SHROOM4: variants seen among roughly 807,000 people sequenced by gnomAD.
SHROOM4 encodes the protein shroom family member 4, also known as protein Shroom4.
SHROOM4 carries 17 observed loss-of-function variants against 80.3 expected under a neutral mutation model. The observed-to-expected ratio is 0.21, with a 90% CI of 0.14 to 0.32. SHROOM4 has a LOEUF of 0.32. Ranked by LOEUF, SHROOM4 falls within the 10% of genes least tolerant of loss-of-function variation. The pLI, the probability that SHROOM4 is intolerant of heterozygous loss-of-function variation, is 1.00. For missense variants in SHROOM4, 993 were observed against 1,140.3 expected (o/e 0.87, Z 1.86); for synonymous variants, 400 against 437.5 (o/e 0.91, Z 1.07).
chrX:50,681,138 G>T (rs1330943068), intron 2 of SHROOM4, among the ~76,000 whole-genome samples: 2 of 110,931 alleles, frequency 1.8e-5, no homozygotes, highest in African/African-American at 6.5e-5. Context: ...TCTCTTGCTT[G>T]AATTATTCCA....
intron 3 of SHROOM4, 49 bp from the exon 4 acceptor site, chrX:50,635,717 C>T (rs1430029382): frequency 8.8e-7 from 1 of 1,136,451 alleles, no homozygotes; most frequent in Non-Finnish European, 1.2e-6. Context: ...ATGGCCAGCC[C>T]TACTATAGGA....
At position 50,594,997 on chromosome X, in the gene SHROOM4, C is replaced by T. The variant is rs188167944; in HGVS notation, c.*1698G>A. ...GGAAGCTAGTGACAAGTATTTGTAA[C>T]AGCAGCAAAAGTTCCTTGGCAAATT... On this transcript the variant is annotated 3_prime_UTR_variant, in exon 9 of 9. Coordinates refer to ENST00000376020, the MANE Select transcript of SHROOM4 (RefSeq NM_020717.5). 8.9e-6 allele frequency: 1 copy of T among 112,635 alleles called. No homozygotes were observed. Among genetic ancestry groups the T allele is most frequent in the East Asian group, 2.8e-4 (1 of 3,576 alleles). The allele number at this position is 112,635 out of a possible 1,213,427, so 9.3% of individuals were successfully genotyped here. A position where few individuals can be genotyped will look rare whatever the true frequency, so the allele number is the denominator to read the frequency against.
chrX:50,717,217 GT>G (rs1248799694), intron 1 of SHROOM4, among the ~76,000 whole-genome samples: 1 of 111,407 alleles, frequency 9.0e-6, no homozygotes, highest in Non-Finnish European at 1.9e-5. Context: ...TAAAGCCATG[GT>G]TTTTTTGTTT....
intron 6 of SHROOM4, among the ~76,000 whole-genome samples, chrX:50,605,283 T>C (rs1440049651): frequency 8.9e-6 from 1 of 112,122 alleles, no homozygotes; most frequent in African/African-American, 3.2e-5. Context: ...ATTTTCATGA[T>C]TAAATCAATC....
At chrX:50,792,483 G>A (rs1319633176) in intron 1 of SHROOM4, among the ~76,000 whole-genome samples, 1 of 109,028 alleles carries the variant, frequency 9.2e-6, no homozygotes, top group Non-Finnish European at 1.9e-5. Flanking sequence ...TCCAGTCTGG[G>A]TGACAGAGCA....
At chrX:50,651,092 A>C (rs893772957) in intron 2 of SHROOM4, among the ~76,000 whole-genome samples, 1 of 111,300 alleles carries the variant, frequency 9.0e-6, no homozygotes, top group African/African-American at 3.3e-5. Flanking sequence ...TGAAACAAAC[A>C]AACAAACCAA....
chrX:50,616,088 C>T (rs749193), intron 5 of SHROOM4, among the ~76,000 whole-genome samples: 44,573 of 110,980 alleles, frequency 0.4, 6,868 homozygotes, highest in African/African-American at 0.54. Context: ...TGTAGGTGCT[C>T]TCATAAAATG....
At chrX:50,646,527 AGTGTGTGTGTGTGTGTGTGTGTGT>A (rs782016561) in intron 2 of SHROOM4, among the ~76,000 whole-genome samples, 1 of 78,780 alleles carries the variant, frequency 1.3e-5, no homozygotes, top group Non-Finnish European at 2.5e-5. Flanking sequence ...AGGGGGGAAG[AGTGTGTGTGTGTGTGTGTGTGTGT>A]GTGTGTGTGT....
chrX:50,727,971 A>G, intron 1 of SHROOM4, among the ~76,000 whole-genome samples: 1 of 112,036 alleles, frequency 8.9e-6, no homozygotes. Flanking sequence ...AATATGGAGA[A>G]GTTTATGTCT....
rs142181093 is a variant in SHROOM4 at position 50,774,543 on chromosome X, T to G, written c.117+39359A>C. ...AGTTTCTCAAATACTTTTGCTTACTTCTCAGGATGGCCAAAAATTAAGGAT... is the reference window on the plus strand; with the variant it reads ...AGTTTCTCAAATACTTTTGCTTACTGCTCAGGATGGCCAAAAATTAAGGAT... On this transcript the variant is annotated intron_variant, in intron 1 of 8. Coordinates refer to ENST00000376020, the MANE Select transcript of SHROOM4 (RefSeq NM_020717.5). Among the ~76,000 whole-genome samples, 424 of 110,591 alleles carry G rather than the reference T, an allele frequency of 3.8e-3. 2 individuals are homozygous for G. The highest frequency in any genetic ancestry group is 0.013 in the African/African-American group (392 of 30,397).
intron 1 of SHROOM4, among the ~76,000 whole-genome samples, chrX:50,809,939 C>T (rs895681025): frequency 2.7e-5 from 3 of 111,329 alleles, no homozygotes; most frequent in East Asian, 2.8e-4. Flanking sequence ...TGATCTCACT[C>T]GAAACACCAC....
chrX:50,777,214 T>C (rs1557270211), intron 1 of SHROOM4, among the ~76,000 whole-genome samples: 1 of 111,374 alleles, frequency 9.0e-6, no homozygotes, highest in African/African-American at 3.3e-5. Context: ...TCCAAGACAT[T>C]ACTTCCTGAG....
At chrX:50,582,622 T>C (rs1272624802), downstream of SHROOM4, among the ~76,000 whole-genome samples, 1 of 111,943 alleles carries the variant, frequency 8.9e-6, no homozygotes, top group African/African-American at 3.2e-5. Flanking sequence ...GGATTGACAC[T>C]GGTTTTAAGT....
intron 1 of SHROOM4, among the ~76,000 whole-genome samples, chrX:50,813,659 G>T (rs782728383): frequency 1.8e-5 from 2 of 112,294 alleles, no homozygotes; most frequent in South Asian, 7.5e-4. Flanking sequence ...GCGCCCTCGC[G>T]AGTGTGTCTG....
At chrX:50,640,485 C>G (rs1380077885) in intron 2 of SHROOM4, among the ~76,000 whole-genome samples, 1 of 109,665 alleles carries the variant, frequency 9.1e-6, no homozygotes, top group Non-Finnish European at 1.9e-5. Flanking sequence ...AGCTCCTGTT[C>G]TAGTCCAGGC....
At chrX:50,714,259 G>A (rs1163570061) in intron 1 of SHROOM4, among the ~76,000 whole-genome samples, 3 of 112,031 alleles carry the variant, frequency 2.7e-5, no homozygotes, top group Non-Finnish European at 5.6e-5. Context: ...AAGGTGATGC[G>A]TGCAGCTTTG....
intron 2 of SHROOM4, among the ~76,000 whole-genome samples, chrX:50,647,766 T>C (rs782159719): frequency 1.2e-4 from 13 of 111,609 alleles, no homozygotes; most frequent in Non-Finnish European, 3.8e-5. Context: ...CCCCAGGTCA[T>C]CTCTACTACT....
downstream of SHROOM4, among the ~76,000 whole-genome samples, chrX:50,586,696 C>T (rs1277146875): frequency 8.9e-6 from 1 of 111,908 alleles, no homozygotes; most frequent in Non-Finnish European, 1.9e-5. Context: ...ACCTTTCTGT[C>T]TAAACTACTT....
chrX:50,751,520 G>T (rs1934918779), intron 1 of SHROOM4, among the ~76,000 whole-genome samples: 1 of 111,543 alleles, frequency 9.0e-6, no homozygotes, highest in Non-Finnish European at 1.9e-5. Context: ...TTCGTCCTTT[G>T]TGGGGAAGGT....
Sources: gnomAD v4.1 joint callset for allele counts (sites outside exome capture counted in the v4.1 genomes callset) on GRCh38, gnomAD v4.1.1 for gene constraint, MANE v1.5 for transcripts, NCBI Gene and HGNC (gene_info 2026-07-23, HGNC 2026-07-21) for gene names.